Variants in FREM1 observed in about 807,000 individuals in gnomAD.
The protein encoded by FREM1 is FRAS1-related extracellular matrix protein 1.
In FREM1, 220 loss-of-function variants were observed where a neutral mutation model predicts 210.1. That is an observed-to-expected ratio of 1.05 (90% CI 0.94 to 1.17). The LOEUF is 1.17. Among genes scored for constraint, FREM1 ranks in the 50% most tolerant of loss-of-function variants. FREM1 has a pLI of 0.00. For missense variants in FREM1, 3,454 were observed against 2,675.5 expected, an observed-to-expected ratio of 1.29 and a Z score of -6.42; for synonymous variants, 1,189 against 980.2, an observed-to-expected ratio of 1.21 and a Z score of -3.98.
Position 14,812,944 on chromosome 9 carries a change from T to C in FREM1, c.2761A>G (p.Ser921Gly). The C allele has an allele frequency of 6.2e-7, 1 of 1,613,968 alleles. No individual in the cohort carries two copies. ...ACAAACATCAACTTCAAGTTATCGCTGTCCACATCAGTAGCAAAAATGTAT... is the reference window on the plus strand; with the variant it reads ...ACAAACATCAACTTCAAGTTATCGCCGTCCACATCAGTAGCAAAAATGTAT... ...SEYIFATDVDSDNLKLMFVIA... is the reference protein window; with the variant it reads ...SEYIFATDVDGDNLKLMFVIA... The change falls in exon 16 of 37, where the codon AGC (serine) becomes GGC (glycine). Residue 921 changes from serine to glycine, a missense_variant. Physicochemically the swap from Ser to Gly is moderately conservative, Grantham distance 56. Coordinates refer to ENST00000380880, the MANE Select transcript of FREM1 (RefSeq NM_001379081.2).
chr9:14,762,396 T>C (rs1845660517), intron 27 of FREM1, among the ~76,000 whole-genome samples: 2 of 152,220 alleles, frequency 1.3e-5, no homozygotes, highest in South Asian at 4.1e-4. Flanking sequence ...TCCATCAATG[T>C]CATTCTGTAG....
rs147908169 is a variant in FREM1, at chr9:14,828,392, G to A, written c.1882-3400C>T. ...GAAGAGGAATGTCTATCCTATACCT[G>A]TCCCACCATTGTATTTTAGAAGCAT... is the stretch of plus-strand genomic sequence containing the variant. On this transcript the variant is annotated intron_variant, in intron 10 of 36. Coordinates refer to ENST00000380880, the MANE Select transcript of FREM1 (RefSeq NM_001379081.2). Among the ~76,000 whole-genome samples the A allele has an allele frequency of 1.8e-4, 27 of 152,230 alleles. No individual in the cohort carries two copies. In the East Asian group the frequency reaches 4.8e-3, roughly 27 times the overall value.
intron 22 of FREM1, chr9:14,790,499 A>G (rs1470087255): frequency 1.3e-5 from 2 of 152,036 alleles, no homozygotes; most frequent in Non-Finnish European, 2.9e-5. Flanking sequence ...TGTATTTCAC[A>G]TTTTCCCTTT....
At position 14,750,111 on chromosome 9, in the gene FREM1, A is replaced by T. The variant is rs1193132364; in HGVS notation, c.5557+16T>A. 1 of 1,612,432 alleles carries T rather than the reference A, an allele frequency of 6.2e-7. No individual in the cohort carries two copies. Among genetic ancestry groups the T allele is most frequent in the Non-Finnish European group, 8.5e-7 (1 of 1,179,480 alleles). On this transcript the variant is annotated intron_variant, in intron 30 of 36. Coordinates refer to ENST00000380880, the MANE Select transcript of FREM1 (RefSeq NM_001379081.2). ...CAGGACCGCTCCTGATTTCAAGATG[A>T]GGATCAAAAGAATACCTCCTTTTGA...
At chr9:14,779,594 G>A (rs1021700899) in intron 24 of FREM1, 23 of 501,680 alleles carry the variant, frequency 4.6e-5, no homozygotes, top group African/African-American at 3.8e-4. Flanking sequence ...ACATCTACTC[G>A]ATGCGTGCAT....
At chr9:14,817,783 TCCTA>T (rs1820568226) in intron 14 of FREM1, among the ~76,000 whole-genome samples, 1 of 152,134 alleles carries the variant, frequency 6.6e-6, no homozygotes, top group Non-Finnish European at 1.5e-5. Flanking sequence ...AGGATTCCCT[TCCTA>T]TGGTGGGGAA....
rs189182794 is a variant in FREM1, at chr9:14,792,950, A to C, written c.3840-66T>G. 358 of 994,536 alleles carry C rather than the reference A, an allele frequency of 3.6e-4. 1 individual carries two copies. The African/African-American group carries it at 5.1e-3, about 14-fold the overall frequency. The allele number at this position is 994,536 out of a possible 1,614,324, so 61.6% of individuals were successfully genotyped here. On this transcript the variant is annotated intron_variant, in intron 21 of 36. Coordinates refer to ENST00000380880, the MANE Select transcript of FREM1 (RefSeq NM_001379081.2). ...GATATTCCTTTAGTAGGGGACACTT[A>C]TATTGACTATCACAGTTCCCAATCT...
At chr9:14,823,568 G>A (rs1159119586) in intron 12 of FREM1, among the ~76,000 whole-genome samples, 1 of 152,172 alleles carries the variant, frequency 6.6e-6, no homozygotes, top group African/African-American at 2.4e-5. Context: ...GCATGGCCCT[G>A]CCAACACCTT....
At chr9:14,778,920 G>C (rs2131881) in intron 24 of FREM1, among the ~76,000 whole-genome samples, 127,242 of 152,102 alleles carry the variant, frequency 0.84, 53,664 homozygotes, top group Non-Finnish European at 0.88. Flanking sequence ...AAGGAACCTA[G>C]AAAAATATGT....
At chr9:14,787,241 C>A (rs1426344484) in intron 23 of FREM1, among the ~76,000 whole-genome samples, 2 of 151,604 alleles carry the variant, frequency 1.3e-5, no homozygotes, top group South Asian at 4.2e-4. Context: ...ATGCAGCAAC[C>A]TGAAAAAACT....
chr9:14,895,306 A>G (rs190530261), intron 1 of FREM1, among the ~76,000 whole-genome samples: 87 of 152,330 alleles, frequency 5.7e-4, no homozygotes, highest in African/African-American at 2.1e-3. Flanking sequence ...TTTAGTGAAA[A>G]TGGGAAACTG....
intron 1 of FREM1, among the ~76,000 whole-genome samples, chr9:14,882,930 G>A (rs796944515): frequency 0.075 from 1,276 of 17,086 alleles, 19 homozygotes; most frequent in African/African-American, 0.19. Flanking sequence ...AAAAAAAAAG[G>A]AATCACCCAT....
chr9:14,839,400 A>C (rs1825225582), intron 10 of FREM1, among the ~76,000 whole-genome samples: 2 of 152,198 alleles, frequency 1.3e-5, no homozygotes, highest in African/African-American at 4.8e-5. Flanking sequence ...TGTCAGATAG[A>C]GAGGTAGGAC....
At chr9:14,889,977 G>C (rs916004211) in intron 1 of FREM1, among the ~76,000 whole-genome samples, 1 of 152,180 alleles carries the variant, frequency 6.6e-6, no homozygotes, top group African/African-American at 2.4e-5. Context: ...TGGTAAACTG[G>C]GGGAAAGTGA....
Position 14,789,034 on chromosome 9 carries a change from T to A in FREM1, c.4062A>T (p.Thr1354=). The A allele has an allele frequency of 6.2e-7, 1 of 1,611,290 alleles. No homozygotes were observed. ...TCTGGGAATCCATTGCCCCGGTGTG[T>A]GTGTATCTCAGCAAGTTCAGATCCA... ...EEVDLNLLRY[T]HTGAMDSQNQ... is the part of the protein sequence containing the mutation. The change falls in exon 23 of 37, where the codon ACA becomes ACT. Residue 1354 remains threonine (T), a synonymous_variant. Coordinates refer to ENST00000380880, the MANE Select transcript of FREM1 (RefSeq NM_001379081.2).
At chr9:14,879,622 C>A (rs1001471076) in intron 1 of FREM1, among the ~76,000 whole-genome samples, 2 of 152,060 alleles carry the variant, frequency 1.3e-5, no homozygotes, top group African/African-American at 2.4e-5. Context: ...TATACTTATA[C>A]CATGGAATGG....
chr9:14,896,377 C>G (rs1837720194), intron 1 of FREM1, among the ~76,000 whole-genome samples: 2 of 151,988 alleles, frequency 1.3e-5, no homozygotes. Flanking sequence ...AACTCCATCT[C>G]TACTAAAAAT....
chr9:14,794,626 C>A lies in FREM1; in HGVS notation c.3840-1742G>T, dbSNP rs746818487. 2.0e-5 allele frequency among the ~76,000 whole-genome samples: 3 copies of A among 152,262 alleles called. No individual in the cohort carries two copies. The East Asian group carries it at 5.8e-4, about 29-fold the overall frequency. On this transcript the variant is annotated intron_variant, in intron 21 of 36. Transcript: ENST00000380880. ...GCAAAGAAATGGTGTTACATGCTCT[C>A]AAAGAGTCCAGGAAGGTTAGAAGAG...
intron 1 of FREM1, among the ~76,000 whole-genome samples, chr9:14,902,006 T>G (rs1838872122): frequency 6.6e-6 from 1 of 151,310 alleles, no homozygotes; most frequent in Admixed American, 6.6e-5. Flanking sequence ...TCTGTCGCCA[T>G]GCCTGGTTTT....
Sources: allele counts gnomAD v4.1 joint callset (sites outside exome capture counted in the v4.1 genomes callset), GRCh38; gene constraint gnomAD v4.1.1; transcripts MANE v1.5; gene names NCBI Gene and HGNC (gene_info 2026-07-23, HGNC 2026-07-21).